SGCG: variants seen among roughly 807,000 people sequenced by gnomAD.
SGCG encodes the protein sarcoglycan gamma, also known as gamma-sarcoglycan.
A neutral mutation model predicts 29.3 loss-of-function variants in SGCG; 26 were observed. The observed-to-expected ratio is 0.89, with a 90% CI of 0.65 to 1.23. SGCG has a LOEUF of 1.23. Ranked by LOEUF, SGCG falls within the 50% of genes most tolerant of loss-of-function variation. The pLI is 0.00. For synonymous variants in SGCG, 145 were observed against 129.7 expected (o/e 1.12, Z -0.80); for missense variants, 353 against 356.0 (o/e 0.99, Z 0.07).
chr13:23,306,806 C>G (rs1165765434), intron 6 of SGCG, among the ~76,000 whole-genome samples: 1 of 152,140 alleles, frequency 6.6e-6, no homozygotes, highest in Non-Finnish European at 1.5e-5. Context: ...TACATATCAT[C>G]AATTCAACAA....
At chr13:23,250,192 G>C (rs1280535226) in intron 3 of SGCG, among the ~76,000 whole-genome samples, 3 of 151,896 alleles carry the variant, frequency 2.0e-5, no homozygotes, top group African/African-American at 7.3e-5. Flanking sequence ...TTTTTATTTT[G>C]ATAAAGTTTA....
chr13:23,207,840 A>G (rs764587681), intron 2 of SGCG, among the ~76,000 whole-genome samples: 4 of 152,182 alleles, frequency 2.6e-5, no homozygotes, highest in Admixed American at 6.5e-5. Flanking sequence ...ACCCTCGTGC[A>G]CTGTTGATAA....
At chr13:23,255,582 A>G (rs1047336562) in intron 4 of SGCG, among the ~76,000 whole-genome samples, 2 of 152,140 alleles carry the variant, frequency 1.3e-5, no homozygotes, top group South Asian at 2.1e-4. Context: ...GTAACCTCCA[A>G]TGTAGGAGTT....
intron 2 of SGCG, among the ~76,000 whole-genome samples, chr13:23,210,605 G>A (rs1383980367): frequency 7.2e-5 from 11 of 152,074 alleles, no homozygotes; most frequent in Admixed American, 7.2e-4. Flanking sequence ...GCAAGAGAAT[G>A]CGGTGAACCC....
intron 6 of SGCG, among the ~76,000 whole-genome samples, chr13:23,316,394 A>G (rs1296424381): frequency 6.6e-6 from 1 of 152,182 alleles, no homozygotes; most frequent in Non-Finnish European, 1.5e-5. Flanking sequence ...CTTTATGGCT[A>G]AAGAAGTGCA....
intron 7 of SGCG, among the ~76,000 whole-genome samples, chr13:23,321,188 A>C (rs1198450789): frequency 6.6e-6 from 1 of 152,238 alleles, no homozygotes; most frequent in East Asian, 1.9e-4. Context: ...AGTTTAAATG[A>C]AAATGAAAGA....
At chr13:23,307,114 G>A (rs568299228) in intron 6 of SGCG, among the ~76,000 whole-genome samples, 15 of 152,226 alleles carry the variant, frequency 9.9e-5, no homozygotes, top group African/African-American at 3.4e-4. Context: ...AGATTAACAA[G>A]TAAGATGCAA....
At chr13:23,167,488 T>C in the SGCG span, among the ~76,000 whole-genome samples, 1 of 152,206 alleles carries the variant, frequency 6.6e-6, no homozygotes, top group Non-Finnish European at 1.5e-5. Flanking sequence ...CTGTTGTCCA[T>C]AGTGGTTGTA....
intron 4 of SGCG, among the ~76,000 whole-genome samples, chr13:23,257,367 A>G (rs1038355457): frequency 2.0e-5 from 3 of 151,910 alleles, no homozygotes; most frequent in African/African-American, 7.3e-5. Flanking sequence ...CCCATTAACT[A>G]GTCATTTACA....
At chr13:23,207,950 A>G (rs867436517) in intron 2 of SGCG, among the ~76,000 whole-genome samples, 1 of 152,152 alleles carries the variant, frequency 6.6e-6, no homozygotes, top group African/African-American at 2.4e-5. Context: ...ACTTTTAGGT[A>G]TTTATCCAAA....
intron 3 of SGCG, among the ~76,000 whole-genome samples, chr13:23,249,233 T>C (rs901179340): frequency 3.0e-4 from 46 of 152,310 alleles, no homozygotes; most frequent in African/African-American, 9.6e-4. Flanking sequence ...CCTGGAGACA[T>C]CAGAGTTGTG....
chr13:23,296,198 C>T (rs917884510), intron 6 of SGCG, among the ~76,000 whole-genome samples: 3 of 152,236 alleles, frequency 2.0e-5, no homozygotes, highest in Non-Finnish European at 4.4e-5. Context: ...ACACTATCTG[C>T]AAACAAGGCA....
intron 6 of SGCG, among the ~76,000 whole-genome samples, chr13:23,315,195 T>C (rs1353034031): frequency 1.3e-5 from 2 of 152,186 alleles, no homozygotes; most frequent in Non-Finnish European, 2.9e-5. Flanking sequence ...GAGACAACTC[T>C]TGGCCTGTTA....
At chr13:23,180,343 AC>A (rs2137462891), upstream of SGCG, among the ~76,000 whole-genome samples, 1 of 25,754 alleles carries the variant, frequency 3.9e-5, no homozygotes, top group African/African-American at 2.3e-4. Flanking sequence ...TTTGTTAAAC[AC>A]AATAGAAATG....
chr13:23,310,242 A>G (rs1367026971), intron 6 of SGCG, among the ~76,000 whole-genome samples: 3 of 150,782 alleles, frequency 2.0e-5, no homozygotes, highest in African/African-American at 7.3e-5. Context: ...GCCCGCCACC[A>G]CACCCGGGTA....
At chr13:23,316,781 A>G (rs1037312373) in intron 6 of SGCG, among the ~76,000 whole-genome samples, 1 of 152,192 alleles carries the variant, frequency 6.6e-6, no homozygotes, top group Non-Finnish European at 1.5e-5. Flanking sequence ...CCACCAGGAG[A>G]CACAACAATG....
At chr13:23,226,156 A>G (rs747685143) in intron 2 of SGCG, among the ~76,000 whole-genome samples, 25 of 152,236 alleles carry the variant, frequency 1.6e-4, no homozygotes, top group Admixed American at 7.2e-4. Flanking sequence ...GACTATAAAC[A>G]TCAAACTATT....
At chr13:23,276,426 G>GTTTTT (rs757414154) in intron 4 of SGCG, among the ~76,000 whole-genome samples, 3 of 65,866 alleles carry the variant, frequency 4.6e-5, no homozygotes, top group East Asian at 3.6e-4. Context: ...TTCTTTTTTA[G>GTTTTT]TTTTCTTTTT....
At chr13:23,300,829 A>G (rs1283755511) in intron 6 of SGCG, among the ~76,000 whole-genome samples, 18 of 117,492 alleles carry the variant, frequency 1.5e-4, no homozygotes, top group Non-Finnish European at 3.2e-4. Flanking sequence ...AAAAAAAAAA[A>G]AAAGGGCCGG....
Sources: allele counts gnomAD v4.1 joint callset (sites outside exome capture counted in the v4.1 genomes callset), GRCh38; gene constraint gnomAD v4.1.1; transcripts MANE v1.5; gene names NCBI Gene and HGNC (gene_info 2026-07-23, HGNC 2026-07-21).